KIAA1217: variants seen among roughly 807,000 people sequenced by gnomAD.
KIAA1217 encodes the protein KIAA1217, also known as sickle tail protein homolog.
In KIAA1217, 88 loss-of-function variants were observed where a neutral mutation model predicts 163.9. The ratio of observed to expected loss-of-function variants is 0.54; its 90% CI spans 0.45 to 0.64. The LOEUF (loss-of-function observed/expected upper bound fraction) is 0.64, where lower values mean the gene tolerates loss of function less well. Among genes scored for constraint, KIAA1217 ranks in the 30% least tolerant of loss-of-function variants. KIAA1217 has a pLI of 0.00. For missense variants in KIAA1217, 2,372 were observed against 2,475.0 expected, an observed-to-expected ratio of 0.96 and a Z score of 0.88; for synonymous variants, 903 against 923.1, an observed-to-expected ratio of 0.98 and a Z score of 0.39.
At chr10:24,248,647 G>A (rs1289379160) in intron 2 of KIAA1217, among the ~76,000 whole-genome samples, 2 of 124,234 alleles carry the variant, frequency 1.6e-5, no homozygotes, top group African/African-American at 6.5e-5. Flanking sequence ...CTCCAGCCTG[G>A]GCAACAAAGC....
chr10:23,975,827 T>A (rs1845516399), intron 1 of KIAA1217, among the ~76,000 whole-genome samples: 1 of 152,214 alleles, frequency 6.6e-6, no homozygotes, highest in Non-Finnish European at 1.5e-5. Flanking sequence ...GGACCCCATG[T>A]GACATGAATT....
At chr10:23,701,227 C>G (rs571309921) in intron 1 of KIAA1217, among the ~76,000 whole-genome samples, 21 of 152,312 alleles carry the variant, frequency 1.4e-4, no homozygotes, top group African/African-American at 4.8e-4. Flanking sequence ...ATCCCTAATA[C>G]TATTTTTGGA....
intron 2 of KIAA1217, among the ~76,000 whole-genome samples, chr10:24,278,248 G>C (rs1391992995): frequency 6.6e-6 from 1 of 152,206 alleles, no homozygotes; most frequent in African/African-American, 2.4e-5. Context: ...AAGACTGTCA[G>C]GTAGAAGATG....
At chr10:23,984,114 C>T (rs1845876967) in intron 1 of KIAA1217, among the ~76,000 whole-genome samples, 1 of 152,204 alleles carries the variant, frequency 6.6e-6, no homozygotes, top group African/African-American at 2.4e-5. Context: ...TCTTTGATTA[C>T]ATCTAGTTCT....
intron 2 of KIAA1217, among the ~76,000 whole-genome samples, chr10:24,084,285 C>G (rs1256203506): frequency 1.3e-5 from 2 of 152,164 alleles, no homozygotes; most frequent in Non-Finnish European, 2.9e-5. Flanking sequence ...CGATGTTTCA[C>G]CTATTAGAAT....
At chr10:23,868,861 A>C in intron 1 of KIAA1217, among the ~76,000 whole-genome samples, 1 of 152,164 alleles carries the variant, frequency 6.6e-6, no homozygotes, top group East Asian at 1.9e-4. Flanking sequence ...ATATTTGAAA[A>C]AGTATCTTGT....
chr10:24,030,394 T>C (rs1848142960), intron 2 of KIAA1217, among the ~76,000 whole-genome samples: 1 of 152,088 alleles, frequency 6.6e-6, no homozygotes, highest in Non-Finnish European at 1.5e-5. Flanking sequence ...AAAGTGACGC[T>C]TCCCCCTTTG....
At chr10:24,530,793 G>T (rs1370471359) in intron 14 of KIAA1217, among the ~76,000 whole-genome samples, 1 of 152,166 alleles carries the variant, frequency 6.6e-6, no homozygotes, top group Non-Finnish European at 1.5e-5. Flanking sequence ...AGCTACTCTG[G>T]GCTGGGGCAG....
At chr10:23,876,038 T>A (rs1007580256) in intron 1 of KIAA1217, among the ~76,000 whole-genome samples, 3 of 151,574 alleles carry the variant, frequency 2.0e-5, no homozygotes, top group Admixed American at 2.0e-4. Context: ...ACGTCGCATA[T>A]GTATACCTAT....
At chr10:24,141,232 C>CCT (rs962742652) in intron 2 of KIAA1217, among the ~76,000 whole-genome samples, 1 of 124,068 alleles carries the variant, frequency 8.1e-6, no homozygotes, top group Admixed American at 7.8e-5. Flanking sequence ...TAAACCCCCC[C>CCT]CCCCCATTTC....
intron 1 of KIAA1217, among the ~76,000 whole-genome samples, chr10:23,873,914 CAGTGA>C (rs746801295): frequency 7.2e-5 from 11 of 152,136 alleles, no homozygotes; most frequent in Non-Finnish European, 1.3e-4. Flanking sequence ...ATTGTTTCAT[CAGTGA>C]AGTGAAGTGG....
intron 2 of KIAA1217, among the ~76,000 whole-genome samples, chr10:24,054,643 G>A (rs1451263242): frequency 6.6e-6 from 1 of 152,112 alleles, no homozygotes; most frequent in Non-Finnish European, 1.5e-5. Flanking sequence ...ACTCAATTAC[G>A]AGGATATGTT....
intron 5 of KIAA1217, among the ~76,000 whole-genome samples, chr10:24,448,957 A>C (rs1592032262): frequency 6.6e-6 from 1 of 152,338 alleles, no homozygotes; most frequent in South Asian, 2.1e-4. Flanking sequence ...TTTTCACATA[A>C]GTTCAGGCTC....
At chr10:23,883,161 G>A (rs1841024232) in intron 1 of KIAA1217, among the ~76,000 whole-genome samples, 2 of 151,904 alleles carry the variant, frequency 1.3e-5, no homozygotes, top group South Asian at 4.2e-4. Flanking sequence ...GTGCTTTACT[G>A]AAATTGCATC....
chr10:23,881,522 T>C (rs1840948003), intron 1 of KIAA1217, among the ~76,000 whole-genome samples: 1 of 152,088 alleles, frequency 6.6e-6, no homozygotes, highest in East Asian at 1.9e-4. Flanking sequence ...ACTTTAATTG[T>C]GCTAAATTGC....
chr10:24,517,004 CAAAATA>C (rs2070284475), intron 10 of KIAA1217, among the ~76,000 whole-genome samples: 1 of 151,686 alleles, frequency 6.6e-6, no homozygotes, highest in African/African-American at 2.4e-5. Context: ...CCAATGTCTA[CAAAATA>C]AAAATTAAAA....
intron 2 of KIAA1217, among the ~76,000 whole-genome samples, chr10:24,264,455 T>G (rs1192614160): frequency 6.6e-6 from 1 of 151,860 alleles, no homozygotes; most frequent in African/African-American, 2.4e-5. Context: ...CAAAGTTGTG[T>G]CAGACTAGTA....
rs1312783456 is a variant in KIAA1217 at position 23,789,976 on chromosome 10, TATATACACATATAC to T, written c.-321+94755_-321+94768del. Among the ~76,000 whole-genome samples the T allele has an allele frequency of 3.4e-5, 3 of 89,302 alleles. 1 individual carries two copies. The highest frequency in any genetic ancestry group is 2.4e-4 in the Admixed American group (2 of 8,356). The allele number at this position is 89,302 out of a possible 152,430, so 58.6% of individuals were successfully genotyped here. ...GTATATATACACATATACATATACA[TATATACACATATAC>T]ATATACACATATGCACATACACATA... On this transcript the variant is annotated intron_variant, in intron 1 of 18. Transcript: ENST00000376462.
intron 2 of KIAA1217, among the ~76,000 whole-genome samples, chr10:24,085,931 C>T (rs1314059958): frequency 2.0e-5 from 3 of 151,972 alleles, no homozygotes; most frequent in African/African-American, 7.3e-5. Flanking sequence ...CAAGATTATG[C>T]CACTGCACTC....
Sources: allele counts gnomAD v4.1 joint callset (sites outside exome capture counted in the v4.1 genomes callset), GRCh38; gene constraint gnomAD v4.1.1; transcripts MANE v1.5; gene names NCBI Gene and HGNC (gene_info 2026-07-23, HGNC 2026-07-21).